The following ANGEL2 variants were observed in gnomAD, a reference collection of about 807,000 sequenced individuals.
The protein encoded by ANGEL2 is RNA 2',3'-cyclic phosphatase ANGEL2.
A neutral mutation model predicts 66.0 loss-of-function variants in ANGEL2; 41 were observed. The ratio of observed to expected loss-of-function variants is 0.62; its 90% CI spans 0.48 to 0.81. ANGEL2 has a LOEUF of 0.81. Among genes scored for constraint, ANGEL2 ranks in the 30% least tolerant of loss-of-function variants. The pLI, the probability that ANGEL2 is intolerant of heterozygous loss-of-function variation, is 0.00. For synonymous variants in ANGEL2, 208 were observed against 226.5 expected (o/e 0.92, Z 0.73); for missense variants, 561 against 641.6 (o/e 0.87, Z 1.36).
chr1:212,996,638 A>ATATATATATAT (rs56112652), intron 8 of ANGEL2, among the ~76,000 whole-genome samples: 26 of 53,116 alleles, frequency 4.9e-4, no homozygotes, highest in East Asian at 1.5e-3. Context: ...AAAAAAAAAA[A>ATATATATATAT]AAATATATAT....
chr1:213,007,724 C>G (rs1221168527), intron 3 of ANGEL2, among the ~76,000 whole-genome samples: 2 of 152,216 alleles, frequency 1.3e-5, no homozygotes, highest in Non-Finnish European at 2.9e-5. Context: ...ACAAATGCCT[C>G]TCTGAAAGTT....
chr1:213,015,299 C>A, intron 1 of ANGEL2: 1 of 1,292,754 alleles, frequency 7.7e-7, no homozygotes, highest in Non-Finnish European at 9.8e-7. Context: ...CAGGCCAGCG[C>A]TGGTCTGGAG....
At chr1:213,015,219 G>A in intron 1 of ANGEL2, 1 of 1,058,162 alleles carries the variant, frequency 9.5e-7, no homozygotes. Flanking sequence ...GGCCCGCCGA[G>A]ACCTACTGCG....
intron 5 of ANGEL2, among the ~76,000 whole-genome samples, chr1:213,003,270 T>C (rs545341887): frequency 6.6e-6 from 1 of 152,352 alleles, no homozygotes; most frequent in South Asian, 2.1e-4. Context: ...TGCTTTCTTA[T>C]TATGCCTTCA....
At chr1:213,011,320 G>T (rs1471517885) in intron 2 of ANGEL2, 28 of 1,262,900 alleles carry the variant, frequency 2.2e-5, no homozygotes, top group Middle Eastern at 2.2e-4. Flanking sequence ...AGTCATAATT[G>T]TATCACACAA....
chr1:213,005,550 G>A, intron 4 of ANGEL2, 96 bp from the exon 5 acceptor site: 1 of 1,273,614 alleles, frequency 7.9e-7, no homozygotes, highest in South Asian at 1.5e-5. Flanking sequence ...TTACCAAACT[G>A]TATTCTGCAA....
At chr1:212,997,031 G>A (rs575297050) in intron 8 of ANGEL2, 124 bp downstream of exon 8, 1,024 of 889,382 alleles carry the variant, frequency 1.2e-3, no homozygotes, top group Non-Finnish European at 1.5e-3. Context: ...TGTCTATTTC[G>A]AAATATTTTT....
At position 212,995,045 on chromosome 1, in the gene ANGEL2, A is replaced by G. The variant is rs746272269; in HGVS notation, c.1631T>C (p.Leu544Pro). 8.7e-6 allele frequency: 14 copies of G among 1,601,276 alleles called. No homozygotes were observed. Among genetic ancestry groups the G allele is most frequent in the South Asian group, 1.1e-5 (1 of 88,144 alleles). ...TTAGTATGTGATCAAAGAGAGTCAG[A>G]GCTCAAGTCTGAACTTTGCCAATAA... is the stretch of plus-strand genomic sequence containing the variant. ...LPLLAKFRLEL is the reference protein window; with the variant it reads ...LPLLAKFRLEP Residue 544 changes from leucine to proline, a missense_variant, in exon 9 of 9, where the codon CTC (leucine) becomes CCC (proline). Leu to Pro is a moderately conservative substitution (Grantham distance 98). Transcript: ENST00000366962.
At chr1:213,015,419 C>T (rs2076617237) in intron 1 of ANGEL2, 194 bp downstream of exon 1, 4 of 1,425,738 alleles carry the variant, frequency 2.8e-6, no homozygotes, top group Non-Finnish European at 3.7e-6. Flanking sequence ...AGCGTCCCGC[C>T]AGCTGCGCGG....
intron 4 of ANGEL2, chr1:213,006,862 T>C: frequency 5.3e-6 from 2 of 376,014 alleles, no homozygotes; most frequent in Admixed American, 4.5e-5. Flanking sequence ...GTCAGCAAGT[T>C]ATACTTTAAT....
chr1:213,010,563 C>T (rs1454453790), intron 2 of ANGEL2, among the ~76,000 whole-genome samples: 3 of 133,850 alleles, frequency 2.2e-5, no homozygotes, highest in Non-Finnish European at 3.3e-5. Flanking sequence ...CAGAGTGAGC[C>T]TTCGTCTCAA....
rs1268940058 is a variant in ANGEL2 at position 213,015,856 on chromosome 1, G to C, written c.-185C>G. On this transcript the variant is annotated 5_prime_UTR_variant, in exon 1 of 9. Transcript: ENST00000366962. Reference sequence around the variant, plus strand: ...GCCTACACTCCATCTTGCGCAGTCAGAGTCCCTGAATGCCTTAACCCGGAA... The same window carrying C: ...GCCTACACTCCATCTTGCGCAGTCACAGTCCCTGAATGCCTTAACCCGGAA... 8.6e-6 allele frequency: 6 copies of C among 693,646 alleles called. No individual in the cohort carries two copies. In the Admixed American group the frequency reaches 1.7e-4, roughly 19 times the overall value. 43.0% of individuals were successfully genotyped at this position (693,646 alleles called of 1,614,324 possible). A position where few individuals can be genotyped will look rare whatever the true frequency, so the allele number is the denominator to read the frequency against.
chr1:213,003,773 A>G (rs1460147909), intron 5 of ANGEL2, among the ~76,000 whole-genome samples: 1 of 152,252 alleles, frequency 6.6e-6, no homozygotes, highest in Non-Finnish European at 1.5e-5. Flanking sequence ...AAAAATGGCA[A>G]TGATAGAGCT....
chr1:213,000,884 C>T lies in ANGEL2; in HGVS notation c.1163G>A (p.Gly388Glu), dbSNP rs762376899. The change falls in exon 6 of 9, where the codon GGA (glycine) becomes GAA (glutamate). Residue 388 changes from glycine to glutamate, a missense_variant. Physicochemically the swap from Gly to Glu is moderately conservative, Grantham distance 98. Coordinates refer to ENST00000366962, the MANE Select transcript of ANGEL2 (RefSeq NM_144567.5). ...AATTGGAATAGATAAAATTCTTTGT[C>T]CCCGTGAAGACTGTTCCTGGCCAGA... ...KVSGQEQSSR[G>E]QRILSIPIWP... The T allele has an allele frequency of 2.0e-5, 32 of 1,612,158 alleles. No individual in the cohort carries two copies. Among genetic ancestry groups the T allele is most frequent in the African/African-American group, 2.7e-5 (2 of 74,788 alleles).
At chr1:213,004,677 G>A (rs2076269860) in intron 5 of ANGEL2, among the ~76,000 whole-genome samples, 1 of 151,846 alleles carries the variant, frequency 6.6e-6, no homozygotes, top group South Asian at 2.1e-4. Flanking sequence ...AGACCAGCCT[G>A]GTCAACAAGC....
At chr1:213,013,025 G>A in intron 2 of ANGEL2, 68 bp downstream of exon 2, 1 of 1,478,700 alleles carries the variant, frequency 6.8e-7, no homozygotes, top group African/African-American at 1.4e-5. Context: ...TAAAGGATTA[G>A]ATATGAAAGT....
chr1:212,993,390 T>C lies in ANGEL2; in HGVS notation c.*1651A>G, dbSNP rs978773832. On this transcript the variant is annotated 3_prime_UTR_variant, in exon 9 of 9. Coordinates refer to ENST00000366962, the MANE Select transcript of ANGEL2 (RefSeq NM_144567.5). Reference sequence around the variant, plus strand: ...AATTACAATTTTTACTAGACAAATCTTATAATCCACATGCCTTCTCTGAGG... The same window carrying C: ...AATTACAATTTTTACTAGACAAATCCTATAATCCACATGCCTTCTCTGAGG... The C allele has an allele frequency of 6.6e-6, 1 of 152,340 alleles. No homozygotes were observed. The highest frequency in any genetic ancestry group is 6.5e-5 in the Admixed American group (1 of 15,294). The allele number at this position is 152,340 out of a possible 1,614,324, so 9.4% of individuals were successfully genotyped here.
chr1:212,998,112 C>T (rs375937034), intron 7 of ANGEL2, among the ~76,000 whole-genome samples: 2 of 151,718 alleles, frequency 1.3e-5, no homozygotes, highest in South Asian at 2.1e-4. Context: ...AAAATAGGGC[C>T]GGACGCGGTG....
intron 1 of ANGEL2, chr1:213,015,346 ACTGGCACAAGC>A (rs2076615016): frequency 1.4e-6 from 2 of 1,385,596 alleles, no homozygotes; most frequent in Non-Finnish European, 1.9e-6. Context: ...ATCCAAAGCC[ACTGGCACAAGC>A]CTGGCCGGCG....
Sources: allele counts gnomAD v4.1 joint callset (sites outside exome capture counted in the v4.1 genomes callset), GRCh38; gene constraint gnomAD v4.1.1; transcripts MANE v1.5; gene names NCBI Gene and HGNC (gene_info 2026-07-23, HGNC 2026-07-21).